ZSCAN5A: variants seen among roughly 807,000 people sequenced by gnomAD.
ZSCAN5A encodes zinc finger and SCAN domain-containing protein 5A.
In ZSCAN5A, 12 loss-of-function variants were observed where a neutral mutation model predicts 23.7. The observed-to-expected ratio is 0.51, with a 90% CI of 0.32 to 0.82. The LOEUF (loss-of-function observed/expected upper bound fraction) is 0.82, where lower values mean the gene tolerates loss of function less well. Ranked by LOEUF, ZSCAN5A falls within the 40% of genes least tolerant of loss-of-function variation. The pLI is 0.03. For missense variants in ZSCAN5A, 597 were observed against 617.9 expected (o/e 0.97, Z 0.36); for synonymous variants, 257 against 239.9 (o/e 1.07, Z -0.66).
chr19:56,266,079 T>G (rs1435057684), intron 2 of ZSCAN5A: 1 of 152,222 alleles, frequency 6.6e-6, no homozygotes, highest in East Asian at 1.9e-4. Context: ...ATTGGCTTTG[T>G]TGACTTTGGG....
intron 2 of ZSCAN5A, among the ~76,000 whole-genome samples, chr19:56,331,838 G>A (rs1174913117): frequency 1.3e-5 from 2 of 151,766 alleles, no homozygotes; most frequent in East Asian, 1.9e-4. Flanking sequence ...CACCCGCCTC[G>A]GCCTCCCAAA....
chr19:56,244,400 C>T (rs748003214), intron 2 of ZSCAN5A: 23 of 1,574,956 alleles, frequency 1.5e-5, no homozygotes, highest in African/African-American at 5.5e-5. Flanking sequence ...GGACCTGCTA[C>T]GAAATAACAG....
At chr19:56,274,870 T>C (rs921526642) in intron 2 of ZSCAN5A, 1 of 152,214 alleles carries the variant, frequency 6.6e-6, no homozygotes, top group African/African-American at 2.4e-5. Context: ...GTCCTTAGGA[T>C]GTGTGATTGA....
At chr19:56,271,599 T>C (rs1396205476) in intron 2 of ZSCAN5A, among the ~76,000 whole-genome samples, 1 of 152,152 alleles carries the variant, frequency 6.6e-6, no homozygotes, top group Non-Finnish European at 1.5e-5. Context: ...GAAGGATCGC[T>C]GAGGTATCCC....
At chr19:56,285,913 T>G (rs2039081945) in intron 2 of ZSCAN5A, among the ~76,000 whole-genome samples, 1 of 152,262 alleles carries the variant, frequency 6.6e-6, no homozygotes, top group African/African-American at 2.4e-5. Flanking sequence ...GGTCAAAGGG[T>G]ATCTGCCTTT....
At chr19:56,284,251 G>T in intron 2 of ZSCAN5A, 5 of 924,340 alleles carry the variant, frequency 5.4e-6, no homozygotes, top group Non-Finnish European at 6.5e-6. Context: ...TGTGCACTTT[G>T]GCGGGAAATT....
intron 2 of ZSCAN5A, among the ~76,000 whole-genome samples, chr19:56,251,791 G>A (rs2036362852): frequency 1.3e-5 from 2 of 152,172 alleles, no homozygotes; most frequent in Admixed American, 1.3e-4. Flanking sequence ...TCAAAGTCCT[G>A]AGCTCAATTG....
At chr19:56,343,178 C>T in intron 2 of ZSCAN5A, 1 of 730,994 alleles carries the variant, frequency 1.4e-6, no homozygotes, top group Non-Finnish European at 2.4e-6. Context: ...TTTATTGAAA[C>T]TAACTTCAGG....
chr19:56,240,580 A>C (rs1457412100), intron 2 of ZSCAN5A, among the ~76,000 whole-genome samples: 1 of 152,180 alleles, frequency 6.6e-6, no homozygotes, highest in Non-Finnish European at 1.5e-5. Flanking sequence ...AGGAGCTGGC[A>C]TGCAGGGGGG....
At chr19:56,285,647 A>T (rs768413339) in intron 2 of ZSCAN5A, among the ~76,000 whole-genome samples, 58 of 151,634 alleles carry the variant, frequency 3.8e-4, no homozygotes, top group Non-Finnish European at 6.0e-4. Flanking sequence ...TATTATTATT[A>T]TTTTTGTATT....
intron 2 of ZSCAN5A, chr19:56,247,384 GAGAA>G: frequency 2.4e-5 from 5 of 205,174 alleles, no homozygotes; most frequent in South Asian, 9.3e-5. Context: ...CCACTCCGGA[GAGAA>G]ACCCTATAAA....
At chr19:56,337,485 C>T (rs1373516550) in intron 2 of ZSCAN5A, among the ~76,000 whole-genome samples, 1 of 152,208 alleles carries the variant, frequency 6.6e-6, no homozygotes, top group African/African-American at 2.4e-5. Flanking sequence ...ATCTGTTACC[C>T]CTTTCTTTGA....
intron 2 of ZSCAN5A, among the ~76,000 whole-genome samples, chr19:56,239,712 A>T (rs2035258595): frequency 6.6e-6 from 1 of 152,232 alleles, no homozygotes; most frequent in Non-Finnish European, 1.5e-5. Context: ...ATCAGCAATG[A>T]CTGTATTTTT....
intron 2 of ZSCAN5A, chr19:56,244,032 C>G: frequency 1.2e-6 from 1 of 843,014 alleles, no homozygotes; most frequent in Non-Finnish European, 1.9e-6. Flanking sequence ...CTGAAATATT[C>G]TCCACCAGAT....
chr19:56,356,569 C>T lies in ZSCAN5A; in HGVS notation c.-358+6666G>A, dbSNP rs952653995. Among the ~76,000 whole-genome samples, 14 of 147,774 alleles carry T rather than the reference C, an allele frequency of 9.5e-5. 2 individuals are homozygous for T. The highest frequency in any genetic ancestry group is 2.0e-4 in the Admixed American group (3 of 14,932). On this transcript the variant is annotated intron_variant, in intron 2 of 6. Coordinates refer to the ZSCAN5A transcript ENST00000587340. The stretch of plus-strand genomic sequence containing the variant: ...TTCTACTACGGGGTGGGGACGGGGG[C>T]GCTACCTTATAACTAAGCCCTGAGG...
chr19:56,368,000 C>T (rs1236733311), intron 1 of ZSCAN5A: 4 of 152,376 alleles, frequency 2.6e-5, no homozygotes, highest in South Asian at 2.1e-4. Flanking sequence ...AAGCCTCCCA[C>T]GAAGTCTGAA....
At chr19:56,355,465 T>C (rs925215019) in intron 2 of ZSCAN5A, among the ~76,000 whole-genome samples, 4 of 148,946 alleles carry the variant, frequency 2.7e-5, no homozygotes, top group African/African-American at 7.6e-5. Flanking sequence ...TCAATTTTTT[T>C]CCCAATTTTT....
chr19:56,311,659 A>G (rs1266270018), intron 2 of ZSCAN5A, among the ~76,000 whole-genome samples: 3 of 152,200 alleles, frequency 2.0e-5, no homozygotes, highest in Non-Finnish European at 2.9e-5. Flanking sequence ...TAAAGTTTAA[A>G]TGAGATAATA....
intron 2 of ZSCAN5A, among the ~76,000 whole-genome samples, chr19:56,340,054 C>G (rs1226720761): frequency 6.6e-6 from 1 of 152,012 alleles, no homozygotes; most frequent in Non-Finnish European, 1.5e-5. Flanking sequence ...CCAAAATGGA[C>G]AGAGAAAACT....
Sources: gnomAD v4.1 joint callset for allele counts (sites outside exome capture counted in the v4.1 genomes callset) on GRCh38, gnomAD v4.1.1 for gene constraint, MANE v1.5 for transcripts, NCBI Gene and HGNC (gene_info 2026-07-23, HGNC 2026-07-21) for gene names.